MAPK8: variants seen among roughly 807,000 people sequenced by gnomAD.
MAPK8 encodes the protein mitogen-activated protein kinase 8, also known as JUN N-terminal kinase.
Under a neutral mutation model 52.9 loss-of-function variants are expected in MAPK8, and 13 were observed. The ratio of observed to expected loss-of-function variants is 0.25; its 90% CI spans 0.16 to 0.39. MAPK8 has a LOEUF of 0.39. Among genes scored for constraint, MAPK8 ranks in the 10% least tolerant of loss-of-function variants. The pLI is 1.00. For synonymous variants in MAPK8, 191 were observed against 169.8 expected (o/e 1.12, Z -0.97); for missense variants, 300 against 519.2 (o/e 0.58, Z 4.10).
chr10:48,322,154 A>AT (rs1359898371), intron 1 of MAPK8, among the ~76,000 whole-genome samples: 32 of 152,132 alleles, frequency 2.1e-4, no homozygotes, highest in Admixed American at 1.9e-3. Context: ...TACTTTAGTA[A>AT]AGTTTTCAAG....
intron 1 of MAPK8, among the ~76,000 whole-genome samples, chr10:48,382,902 ATG>A (rs1383221343): frequency 7.3e-6 from 1 of 137,442 alleles, no homozygotes; most frequent in African/African-American, 2.6e-5. Flanking sequence ...ATATATAGCT[ATG>A]TGTATATATA....
chr10:48,340,069 G>T (rs1233204799), intron 1 of MAPK8, among the ~76,000 whole-genome samples: 4 of 152,176 alleles, frequency 2.6e-5, no homozygotes, highest in Admixed American at 6.5e-5. Flanking sequence ...CAAAGGAAGA[G>T]AAATGGTTTT....
chr10:48,332,592 G>T (rs1844263749), intron 1 of MAPK8, among the ~76,000 whole-genome samples: 1 of 152,142 alleles, frequency 6.6e-6, no homozygotes, highest in Non-Finnish European at 1.5e-5. Flanking sequence ...GGGATGTCTG[G>T]GATCAGGCTA....
intron 1 of MAPK8, among the ~76,000 whole-genome samples, chr10:48,331,925 G>C (rs1844188221): frequency 6.6e-6 from 1 of 152,090 alleles, no homozygotes; most frequent in Non-Finnish European, 1.5e-5. Flanking sequence ...AGATTAGTTT[G>C]GTGATTATGC....
rs371841958 is a variant in MAPK8, at chr10:48,379,024, G to A, written c.-49-22588G>A. Reference sequence around the variant, plus strand: ...GCCTGATTTATTTGCATAAAGTGCAGCAAGAGTAGTGATTGGTCATATAGA... The same window carrying A: ...GCCTGATTTATTTGCATAAAGTGCAACAAGAGTAGTGATTGGTCATATAGA... On this transcript the variant is annotated intron_variant, in intron 1 of 11. Transcript: ENST00000374189. Among the ~76,000 whole-genome samples, 41 of 152,332 alleles carry A rather than the reference G, an allele frequency of 2.7e-4. No individual in the cohort carries two copies. The South Asian group carries it at 8.1e-3, about 30-fold the overall frequency.
chr10:48,384,092 A>C (rs2041169139), intron 1 of MAPK8, among the ~76,000 whole-genome samples: 1 of 152,196 alleles, frequency 6.6e-6, no homozygotes, highest in East Asian at 1.9e-4. Flanking sequence ...TCTCTACTAA[A>C]AATACAAAAA....
intron 5 of MAPK8, among the ~76,000 whole-genome samples, chr10:48,415,625 T>G (rs1414262323): frequency 1.3e-5 from 2 of 152,026 alleles, no homozygotes; most frequent in Non-Finnish European, 2.9e-5. Flanking sequence ...ACCAGGAAAA[T>G]GCAAACATTA....
intron 1 of MAPK8, among the ~76,000 whole-genome samples, chr10:48,365,212 CT>C (rs1847919355): frequency 6.6e-6 from 1 of 152,100 alleles, no homozygotes; most frequent in South Asian, 2.1e-4. Flanking sequence ...TGCCAGTGTT[CT>C]TAAGGAAGCA....
intron 1 of MAPK8, among the ~76,000 whole-genome samples, chr10:48,348,595 T>C (rs1313791622): frequency 3.3e-5 from 5 of 152,214 alleles, no homozygotes; most frequent in Non-Finnish European, 5.9e-5. Context: ...AGTTTCAGTT[T>C]TCTGCATATG....
intron 1 of MAPK8, among the ~76,000 whole-genome samples, chr10:48,323,712 G>A (rs913804288): frequency 6.6e-6 from 1 of 152,076 alleles, no homozygotes; most frequent in Non-Finnish European, 1.5e-5. Context: ...GAGGAAAAAT[G>A]GTATATCTTT....
At chr10:48,333,875 A>G (rs1160444874) in intron 1 of MAPK8, among the ~76,000 whole-genome samples, 4 of 152,184 alleles carry the variant, frequency 2.6e-5, no homozygotes, top group Non-Finnish European at 5.9e-5. Context: ...CTGGTCGCCA[A>G]TTTGCTGCAA....
chr10:48,306,987 C>T (rs1841406640), intron 1 of MAPK8, 166 bp downstream of exon 1: 1 of 151,820 alleles, frequency 6.6e-6, no homozygotes, highest in Admixed American at 6.6e-5. Flanking sequence ...AATAGCGGCG[C>T]GGAGGCGGGG....
At chr10:48,432,568 A>ATAG (rs928244963) in intron 11 of MAPK8, among the ~76,000 whole-genome samples, 1 of 152,156 alleles carries the variant, frequency 6.6e-6, no homozygotes, top group Non-Finnish European at 1.5e-5. Flanking sequence ...GTATTGCTAT[A>ATAG]TAGTAGTAGT....
intron 1 of MAPK8, among the ~76,000 whole-genome samples, chr10:48,314,526 T>C (rs1240911508): frequency 2.0e-5 from 3 of 152,218 alleles, no homozygotes; most frequent in African/African-American, 4.8e-5. Context: ...GCATACGTCG[T>C]GTTGCACTTA....
At chr10:48,353,921 CTT>C (rs1161007423) in intron 1 of MAPK8, among the ~76,000 whole-genome samples, 2 of 152,088 alleles carry the variant, frequency 1.3e-5, no homozygotes, top group Non-Finnish European at 2.9e-5. Context: ...AGCAGGTAGT[CTT>C]TGTGGCGATG....
At chr10:48,380,086 A>T (rs911480418) in intron 1 of MAPK8, among the ~76,000 whole-genome samples, 2 of 152,098 alleles carry the variant, frequency 1.3e-5, no homozygotes, top group Non-Finnish European at 2.9e-5. Flanking sequence ...TAATAAAAAT[A>T]CAAAAATTAG....
At chr10:48,322,740 A>T (rs1250430973) in intron 1 of MAPK8, among the ~76,000 whole-genome samples, 1 of 152,096 alleles carries the variant, frequency 6.6e-6, no homozygotes, top group African/African-American at 2.4e-5. Flanking sequence ...CGTCTTTGGA[A>T]TTGGCAGATC....
chr10:48,326,616 A>G (rs1843547882), intron 1 of MAPK8, among the ~76,000 whole-genome samples: 1 of 152,194 alleles, frequency 6.6e-6, no homozygotes, highest in Non-Finnish European at 1.5e-5. Context: ...TATTAGAAAT[A>G]TCTGTATATC....
chr10:48,346,721 C>T (rs1382714886), intron 1 of MAPK8, among the ~76,000 whole-genome samples: 1 of 152,208 alleles, frequency 6.6e-6, no homozygotes, highest in African/African-American at 2.4e-5. Context: ...CATGTTCCAT[C>T]CTGTACACCT....
Sources: gnomAD v4.1 joint callset for allele counts (sites outside exome capture counted in the v4.1 genomes callset) on GRCh38, gnomAD v4.1.1 for gene constraint, MANE v1.5 for transcripts, NCBI Gene and HGNC (gene_info 2026-07-23, HGNC 2026-07-21) for gene names.